Variants in TRIM26 observed in about 807,000 individuals in gnomAD.
The protein encoded by TRIM26 is tripartite motif-containing protein 26.
In TRIM26, 16 loss-of-function variants were observed where a neutral mutation model predicts 45.5. The ratio of observed to expected loss-of-function variants is 0.35; its 90% CI spans 0.24 to 0.53. TRIM26 has a LOEUF of 0.53. Ranked by LOEUF, TRIM26 falls within the 20% of genes least tolerant of loss-of-function variation. The pLI, the probability that TRIM26 is intolerant of heterozygous loss-of-function variation, is 0.92. For synonymous variants in TRIM26, 273 were observed against 290.4 expected (o/e 0.94, Z 0.61); for missense variants, 442 against 691.1 (o/e 0.64, Z 4.04).
intron 9 of TRIM26, among the ~76,000 whole-genome samples, chr6:30,188,075 C>T (rs1289591268): frequency 6.7e-6 from 1 of 150,162 alleles, no homozygotes; most frequent in Non-Finnish European, 1.5e-5. Flanking sequence ...AAAAATTAGC[C>T]GGGCGAGGTG....
chr6:30,192,714 T>C (rs1775981498), intron 6 of TRIM26, among the ~76,000 whole-genome samples: 2 of 151,986 alleles, frequency 1.3e-5, no homozygotes, highest in African/African-American at 4.8e-5. Flanking sequence ...TGGACCCTAT[T>C]TTAGGTCTTT....
Position 30,186,466 on chromosome 6 carries a change from C to G in TRIM26, c.1030G>C (p.Ala344Pro). The part of the protein sequence containing the change: ...CVTYTSLYKS[A>P]YLHPQQFDCE... ...TCAAACTGCTGGGGGTGCAGGTAGG[C>G]ACTCTTGTACAGGCTGGTGTAGGTC... Residue 344 changes from alanine to proline, a missense_variant, in exon 10 of 10, where the codon GCC becomes CCC. Ala to Pro is a conservative substitution (Grantham distance 27). Transcript: ENST00000454678. This position sits in a 1 kb window ranked among gnomAD's most constrained non-coding sequence, Gnocchi z 7.4. The G allele has an allele frequency of 6.3e-7, 1 of 1,584,050 alleles. No individual in the cohort carries two copies. The highest frequency in any genetic ancestry group is 1.3e-5 in the African/African-American group (1 of 74,546).
At position 30,186,595 on chromosome 6, in the gene TRIM26, C is replaced by T; in HGVS notation, c.938-37G>A. The T allele has an allele frequency of 2.0e-6, 3 of 1,491,554 alleles. No individual in the cohort carries two copies. Among genetic ancestry groups the T allele is most frequent in the Non-Finnish European group, 2.7e-6 (3 of 1,124,114 alleles). The allele number at this position is 1,491,554 out of a possible 1,614,324, so 92.4% of individuals were successfully genotyped here. ...AGGGAAAAAAAAAAAAACAGCATCA[C>T]TGTTTTGTTTTGTTTTTTAAGTCAG... is the stretch of plus-strand genomic sequence containing the variant. On this transcript the variant is annotated intron_variant, in intron 9 of 9. Transcript: ENST00000454678. The surrounding 1 kb of genome is among the most constrained non-coding windows in gnomAD (Gnocchi z 7.4).
In TRIM26 at chr6:30,189,475, T is replaced by C. The variant is rs1775586681; in HGVS notation, c.847A>G (p.Thr283Ala). 6.2e-7 allele frequency: 1 copy of C among 1,612,962 alleles called. No homozygotes were observed. The highest frequency in any genetic ancestry group is 1.3e-5 in the African/African-American group (1 of 74,992). Reference sequence around the variant, plus strand: ...AGGAGTTTATCTGAGAATTCTCCGGTCTTTTTTTTAACCACTCGAGCAATG... The same window carrying C: ...AGGAGTTTATCTGAGAATTCTCCGGCCTTTTTTTTAACCACTCGAGCAATG... Reference protein sequence around the residue: ...KPIARVVKKKTGEFSDKLLSL... With the variant: ...KPIARVVKKKAGEFSDKLLSL... Residue 283 changes from threonine (T) to alanine (A), a missense_variant, in exon 8 of 10, where the codon ACC (threonine) becomes GCC (alanine). Thr to Ala is a moderately conservative substitution (Grantham distance 58, BLOSUM62 0). Coordinates refer to ENST00000454678, the MANE Select transcript of TRIM26 (RefSeq NM_003449.5). The surrounding 1 kb of genome is among the most constrained non-coding windows in gnomAD (Gnocchi z 5.0).
chr6:30,198,599 C>T lies in TRIM26; in HGVS notation c.438+67G>A. 6.2e-7 allele frequency: 1 copy of T among 1,611,022 alleles called. No homozygotes were observed. Among genetic ancestry groups the T allele is most frequent in the East Asian group, 2.2e-5 (1 of 44,874 alleles). ...GGAAGGGAGACTCAGGCTGAGTCCTCTGAGGACTGCAAGGTGGAGCATCCA... is the reference window on the plus strand; with the variant it reads ...GGAAGGGAGACTCAGGCTGAGTCCTTTGAGGACTGCAAGGTGGAGCATCCA... On this transcript the variant is annotated intron_variant, in intron 4 of 9. Coordinates refer to ENST00000454678, the MANE Select transcript of TRIM26 (RefSeq NM_003449.5). The surrounding 1 kb of genome is among the most constrained non-coding windows in gnomAD (Gnocchi z 6.3).
intron 1 of TRIM26, among the ~76,000 whole-genome samples, chr6:30,210,294 G>A (rs1490499849): frequency 6.6e-6 from 1 of 151,306 alleles, no homozygotes; most frequent in East Asian, 1.9e-4. Flanking sequence ...ATCCCTCCTC[G>A]TCCTACCTAA....
Position 30,190,923 on chromosome 6 carries a change from C to T in TRIM26, c.766-888G>A, listed in dbSNP as rs1335043177. On this transcript the variant is annotated intron_variant, in intron 6 of 9. Coordinates refer to ENST00000454678, the MANE Select transcript of TRIM26 (RefSeq NM_003449.5). This position sits in a 1 kb window ranked among gnomAD's most constrained non-coding sequence, Gnocchi z 4.3. ...CAGAAATAAACTTCTATTCTGTTTG[C>T]GTCACTGTACAGCAGTGAGCCAAAA... is the stretch of plus-strand genomic sequence containing the variant. Among the ~76,000 whole-genome samples, 6 of 152,112 alleles carry T rather than the reference C, an allele frequency of 3.9e-5. No homozygotes were observed. Among genetic ancestry groups the T allele is most frequent in the African/African-American group, 1.2e-4 (5 of 41,412 alleles).
chr6:30,208,904 A>ATCTGTGTGTGTGTGTGTG (rs71550189), intron 1 of TRIM26, among the ~76,000 whole-genome samples: 3 of 140,730 alleles, frequency 2.1e-5, no homozygotes, highest in East Asian at 2.1e-4. Context: ...GATATAGAAT[A>ATCTGTGTGTGTGTGTGTG]TGTGTGTGTG....
chr6:30,194,928 T>A (rs1240724997), intron 6 of TRIM26, among the ~76,000 whole-genome samples: 2 of 152,052 alleles, frequency 1.3e-5, no homozygotes, highest in Non-Finnish European at 2.9e-5. Context: ...CTACATCCCA[T>A]AAATATATAC....
At position 30,186,888 on chromosome 6, in the gene TRIM26, T is replaced by C; in HGVS notation, c.938-330A>G. ...TGGGTCCAACTCATCATTAATATCA[T>C]CCAAGTGTGGATCACCAGTCCCTGA... On this transcript the variant is annotated intron_variant, in intron 9 of 9. Coordinates refer to ENST00000454678, the MANE Select transcript of TRIM26 (RefSeq NM_003449.5). This position sits in a 1 kb window ranked among gnomAD's most constrained non-coding sequence, Gnocchi z 7.4. The C allele has an allele frequency of 1.4e-6, 1 of 718,322 alleles. No homozygotes were observed. 44.5% of individuals were successfully genotyped at this position (718,322 alleles called of 1,614,324 possible).
chr6:30,211,416 G>A (rs1166612554), intron 1 of TRIM26, among the ~76,000 whole-genome samples: 3 of 152,062 alleles, frequency 2.0e-5, no homozygotes, highest in East Asian at 3.8e-4. Flanking sequence ...TCCTGGGGGG[G>A]TCCAAGTCTG....
In TRIM26 at chr6:30,198,592, G is replaced by C; in HGVS notation, c.439-68C>G. 1 of 1,610,544 alleles carries C rather than the reference G, an allele frequency of 6.2e-7. No homozygotes were observed. Among genetic ancestry groups the C allele is most frequent in the Non-Finnish European group, 8.5e-7 (1 of 1,178,566 alleles). On this transcript the variant is annotated intron_variant, in intron 4 of 9. Coordinates refer to ENST00000454678, the MANE Select transcript of TRIM26 (RefSeq NM_003449.5). This position sits in a 1 kb window ranked among gnomAD's most constrained non-coding sequence, Gnocchi z 6.3. ...TGGGGCAGGAAGGGAGACTCAGGCT[G>C]AGTCCTCTGAGGACTGCAAGGTGGA...
chr6:30,187,917 CA>C (rs34936729), intron 9 of TRIM26, among the ~76,000 whole-genome samples: 1,923 of 43,596 alleles, frequency 0.044, 21 homozygotes, highest in Admixed American at 0.1. Context: ...GACTCCATCT[CA>C]AAAAAAAAAA....
At chr6:30,191,404 TA>T (rs5875241) in intron 6 of TRIM26, among the ~76,000 whole-genome samples, 28,563 of 127,058 alleles carry the variant, frequency 0.22, 3,075 homozygotes, top group African/African-American at 0.29. Context: ...TCAGAACAGT[TA>T]AAAAAAAAAA....
In TRIM26 at chr6:30,207,543, A is replaced by C. The variant is rs1010246412; in HGVS notation, c.-375-2778T>G. ...CACTCGGTCACGTGTTAAACTGCCA[A>C]TCTGCCCGGGTGACCAACCAGGTTA... On this transcript the variant is annotated intron_variant, in intron 1 of 9. Transcript: ENST00000454678. The surrounding 1 kb of genome is among the most constrained non-coding windows in gnomAD (Gnocchi z 4.9). Among the ~76,000 whole-genome samples the C allele has an allele frequency of 6.6e-6, 1 of 152,164 alleles. No individual in the cohort carries two copies. The highest frequency in any genetic ancestry group is 2.4e-5 in the African/African-American group (1 of 41,428).
chr6:30,192,672 C>A (rs1775975402), intron 6 of TRIM26, among the ~76,000 whole-genome samples: 1 of 152,126 alleles, frequency 6.6e-6, no homozygotes, highest in African/African-American at 2.4e-5. Context: ...AATCACCACA[C>A]CAGCCTCACC....
Position 30,199,261 on chromosome 6 carries a change from G to C in TRIM26, c.-158C>G, listed in dbSNP as rs1459907902. On this transcript the variant is annotated 5_prime_UTR_variant, in exon 4 of 10. Coordinates refer to ENST00000454678, the MANE Select transcript of TRIM26 (RefSeq NM_003449.5). ...CTCAGTCAATCGACAGACACCACCA[G>C]CTCCTACAAGGTTCACACAATGTCA... 1.7e-6 allele frequency: 1 copy of C among 605,674 alleles called. No homozygotes were observed. The highest frequency in any genetic ancestry group is 2.8e-6 in the Non-Finnish European group (1 of 358,140). 37.5% of individuals were successfully genotyped at this position (605,674 alleles called of 1,614,324 possible).
At chr6:30,188,420 C>A in intron 9 of TRIM26, 1 of 289,334 alleles carries the variant, frequency 3.5e-6, no homozygotes, top group Non-Finnish European at 7.0e-6. Flanking sequence ...GGATAATCCT[C>A]ACCATCATCC....
chr6:30,204,579 C>G (rs762554186), intron 2 of TRIM26, 77 bp downstream of exon 2: 1 of 151,374 alleles, frequency 6.6e-6, no homozygotes, highest in Non-Finnish European at 1.5e-5. Context: ...CCAGAATAAC[C>G]GCTCCCCTTC....
Sources: allele counts gnomAD v4.1 joint callset (sites outside exome capture counted in the v4.1 genomes callset), GRCh38; gene constraint gnomAD v4.1.1; non-coding constraint Gnocchi (gnomAD v3.1); transcripts MANE v1.5; gene names NCBI Gene and HGNC (gene_info 2026-07-23, HGNC 2026-07-21).